DPYD: variants seen among roughly 807,000 people sequenced by gnomAD.
DPYD encodes dihydropyrimidine dehydrogenase.
Under a neutral mutation model 116.2 loss-of-function variants are expected in DPYD, and 109 were observed. That is an observed-to-expected ratio of 0.94 (90% confidence interval 0.80 to 1.10). The LOEUF (loss-of-function observed/expected upper bound fraction) is 1.10, where lower values mean the gene tolerates loss of function less well. DPYD is among the 50% of genes least tolerant of loss of function. The probability of loss-of-function intolerance (pLI) is 0.00; values close to 1 mark genes in which losing one functional copy is unlikely to be tolerated. For synonymous variants in DPYD, 440 were observed against 432.0 expected (o/e 1.02, Z -0.23); for missense variants, 1,302 against 1,254.5 (o/e 1.04, Z -0.57).
At chr1:97,331,052 T>C (rs548112918) in intron 16 of DPYD, among the ~76,000 whole-genome samples, 1 of 152,308 alleles carries the variant, frequency 6.6e-6, no homozygotes, top group Non-Finnish European at 1.5e-5. Context: ...CCTGTCTACA[T>C]GATCCAGTTC....
At chr1:97,709,275 C>G (rs1662153483) in intron 5 of DPYD, among the ~76,000 whole-genome samples, 1 of 151,844 alleles carries the variant, frequency 6.6e-6, no homozygotes, top group South Asian at 2.1e-4. Flanking sequence ...TATGCTTAAA[C>G]AAAGTAGTAA....
At chr1:97,173,279 C>CACACATATTTACATATATATGT (rs548861757) in intron 20 of DPYD, among the ~76,000 whole-genome samples, 2 of 140,892 alleles carry the variant, frequency 1.4e-5, no homozygotes, top group Non-Finnish European at 3.0e-5. Flanking sequence ...CATATATATG[C>CACACATATTTACATATATATGT]ACACATATAT....
intron 14 of DPYD, among the ~76,000 whole-genome samples, chr1:97,399,059 C>G (rs12024083): frequency 6.6e-6 from 1 of 151,848 alleles, no homozygotes; most frequent in Non-Finnish European, 1.5e-5. Flanking sequence ...AGGTTTTTGT[C>G]TAGGGTTTTT....
chr1:97,808,157 T>C (rs1054687735), intron 3 of DPYD, among the ~76,000 whole-genome samples: 2 of 152,108 alleles, frequency 1.3e-5, no homozygotes, highest in African/African-American at 4.8e-5. Flanking sequence ...TATAACCTCC[T>C]GATATTTTGA....
chr1:97,265,527 G>A (rs763738509), intron 18 of DPYD: 2 of 152,088 alleles, frequency 1.3e-5, no homozygotes, highest in Non-Finnish European at 2.9e-5. Flanking sequence ...TTGAATCAGA[G>A]CATTTTAACA....
intron 18 of DPYD, among the ~76,000 whole-genome samples, chr1:97,276,135 T>G (rs567056371): frequency 5.3e-5 from 8 of 152,168 alleles, no homozygotes; most frequent in Non-Finnish European, 1.2e-4. Flanking sequence ...TTTGGATGTC[T>G]GATAAGATGT....
chr1:97,238,987 GAACA>G, intron 18 of DPYD, among the ~76,000 whole-genome samples: 1 of 152,212 alleles, frequency 6.6e-6, no homozygotes, highest in Non-Finnish European at 1.5e-5. Flanking sequence ...CTGCAGGTTC[GAACA>G]AACAAACGAA....
intron 2 of DPYD, among the ~76,000 whole-genome samples, chr1:97,876,829 T>C (rs1311365487): frequency 2.0e-5 from 3 of 152,036 alleles, no homozygotes; most frequent in Non-Finnish European, 4.4e-5. Flanking sequence ...CTTCAGTGAT[T>C]GACAGTGGAT....
chr1:97,790,646 T>C (rs1667273374), intron 3 of DPYD, among the ~76,000 whole-genome samples: 1 of 152,240 alleles, frequency 6.6e-6, no homozygotes, highest in South Asian at 2.1e-4. Context: ...GGTTATTTTC[T>C]GTGTTCTCAC....
At chr1:97,252,534 C>A (rs1176254560) in intron 18 of DPYD, among the ~76,000 whole-genome samples, 4 of 152,100 alleles carry the variant, frequency 2.6e-5, no homozygotes, top group Admixed American at 2.6e-4. Flanking sequence ...AGCATTCGAC[C>A]ATTCAGATTT....
At chr1:97,916,367 C>T (rs1385826414) in intron 1 of DPYD, among the ~76,000 whole-genome samples, 2 of 152,040 alleles carry the variant, frequency 1.3e-5, no homozygotes, top group Non-Finnish European at 2.9e-5. Context: ...GTGTGATGTT[C>T]CCCTTCCTGT....
chr1:97,147,366 AAACG>A (rs991794523), intron 20 of DPYD, among the ~76,000 whole-genome samples: 9 of 146,576 alleles, frequency 6.1e-5, no homozygotes, highest in African/African-American at 1.0e-4. Context: ...ACAAACAAAC[AAACG>A]AACAAACAAA....
chr1:97,826,172 A>G (rs1669236201), intron 3 of DPYD, among the ~76,000 whole-genome samples: 1 of 152,208 alleles, frequency 6.6e-6, no homozygotes, highest in Non-Finnish European at 1.5e-5. Context: ...CAGGCAGGTA[A>G]TACTTGTTTT....
At chr1:97,478,994 G>C (rs1347857406) in intron 13 of DPYD, among the ~76,000 whole-genome samples, 1 of 152,142 alleles carries the variant, frequency 6.6e-6, no homozygotes, top group Non-Finnish European at 1.5e-5. Context: ...TACAGAATTG[G>C]AGCACGTCAA....
Position 97,810,156 on chromosome 1 carries a change from G to A in DPYD, c.233+17958C>T, listed in dbSNP as rs530081562. On this transcript the variant is annotated intron_variant, in intron 3 of 22. Transcript: ENST00000370192. ...AAAAAAATTAGCCGGGTGTGGTGGC[G>A]GGCGCCTGTAGTCCCAGCTACTTGG... Among the ~76,000 whole-genome samples, 31 of 151,506 alleles carry A rather than the reference G, an allele frequency of 2.0e-4. No individual in the cohort carries two copies. The East Asian group carries it at 4.1e-3, about 20-fold the overall frequency.
chr1:97,276,567 T>C (rs1053902946), intron 18 of DPYD, among the ~76,000 whole-genome samples: 2 of 151,268 alleles, frequency 1.3e-5, no homozygotes, highest in African/African-American at 4.9e-5. Context: ...ATGTTCAACA[T>C]CATTAATCAC....
chr1:97,551,961 G>T (rs189637071), intron 11 of DPYD, among the ~76,000 whole-genome samples: 1 of 152,116 alleles, frequency 6.6e-6, no homozygotes, highest in Admixed American at 6.6e-5. Context: ...ATGATTTAAA[G>T]TATATGGAAG....
At chr1:97,423,027 C>T (rs1431616204) in intron 14 of DPYD, among the ~76,000 whole-genome samples, 2 of 151,730 alleles carry the variant, frequency 1.3e-5, no homozygotes, top group East Asian at 3.9e-4. Context: ...CCACATGCAC[C>T]GAGAACTAGG....
At chr1:97,544,687 C>A (rs576829861) in intron 12 of DPYD, among the ~76,000 whole-genome samples, 2,093 of 129,726 alleles carry the variant, frequency 0.016, 25 homozygotes, top group Middle Eastern at 0.033. Flanking sequence ...AAAAAAAAAA[C>A]ATTAAGATTC....
Sources: allele counts gnomAD v4.1 joint callset (sites outside exome capture counted in the v4.1 genomes callset), GRCh38; gene constraint gnomAD v4.1.1; transcripts MANE v1.5; gene names NCBI Gene and HGNC (gene_info 2026-07-23, HGNC 2026-07-21).